Variants in ZMIZ1 observed in about 807,000 individuals in gnomAD.
ZMIZ1 encodes the protein zinc finger MIZ domain-containing protein 1.
In ZMIZ1, 17 loss-of-function variants were observed where a neutral mutation model predicts 113.9. That is an observed-to-expected ratio of 0.15 (90% confidence interval 0.10 to 0.22). The LOEUF is 0.22. Among genes scored for constraint, ZMIZ1 ranks in the 10% least tolerant of loss-of-function variants. The pLI, the probability that ZMIZ1 is intolerant of heterozygous loss-of-function variation, is 1.00. For synonymous variants in ZMIZ1, 607 were observed against 603.1 expected (o/e 1.01, Z -0.09); for missense variants, 1,059 against 1,477.8 (o/e 0.72, Z 4.65).
At chr10:79,161,056 A>C (rs1846096720) in intron 3 of ZMIZ1, among the ~76,000 whole-genome samples, 1 of 152,160 alleles carries the variant, frequency 6.6e-6, no homozygotes, top group African/African-American at 2.4e-5. Context: ...CTCTGTGGGC[A>C]GTAGGGGGCG....
chr10:79,287,728 G>A (rs964617330), intron 8 of ZMIZ1, among the ~76,000 whole-genome samples: 1 of 152,188 alleles, frequency 6.6e-6, no homozygotes, highest in African/African-American at 2.4e-5. Context: ...GTCATCACCT[G>A]CTCAGATTCT....
Position 79,257,677 on chromosome 10 carries a change from A to G in ZMIZ1, c.281-19504A>G, listed in dbSNP as rs116651686. On this transcript the variant is annotated intron_variant, in intron 7 of 24. Transcript: ENST00000334512. ...CCTGCCAGGCAGACCTGCCCTCCCC[A>G]GGCCCCATCCTGGAGCCTTTGCTCT... Among the ~76,000 whole-genome samples the G allele has an allele frequency of 2.0e-3, 304 of 152,348 alleles. 3 individuals carry two copies. The highest frequency in any genetic ancestry group is 6.9e-3 in the African/African-American group (287 of 41,582).
At chr10:79,298,800 A>G (rs538739369) in intron 15 of ZMIZ1, among the ~76,000 whole-genome samples, 3 of 152,310 alleles carry the variant, frequency 2.0e-5, no homozygotes, top group South Asian at 4.1e-4. Context: ...AGGAAAATCT[A>G]TACGCAGCCA....
intron 1 of ZMIZ1, among the ~76,000 whole-genome samples, chr10:79,085,585 C>T (rs1168115585): frequency 1.3e-5 from 2 of 152,276 alleles, no homozygotes; most frequent in South Asian, 2.1e-4. Flanking sequence ...AGAGGGTGCC[C>T]GCCTCCCATG....
chr10:79,107,516 G>A (rs1323713026), intron 1 of ZMIZ1, among the ~76,000 whole-genome samples: 5 of 152,224 alleles, frequency 3.3e-5, no homozygotes, highest in African/African-American at 7.2e-5. Context: ...TCACAGTCTG[G>A]TGAATGTGAG....
At chr10:79,158,362 G>A (rs1439892976) in intron 3 of ZMIZ1, among the ~76,000 whole-genome samples, 1 of 152,202 alleles carries the variant, frequency 6.6e-6, no homozygotes, top group Non-Finnish European at 1.5e-5. Flanking sequence ...CTTCTCTGGT[G>A]AGAGCCAATG....
At chr10:79,109,415 A>G (rs536661192) in intron 1 of ZMIZ1, among the ~76,000 whole-genome samples, 1 of 152,314 alleles carries the variant, frequency 6.6e-6, no homozygotes, top group South Asian at 2.1e-4. Flanking sequence ...CATTAGGCTC[A>G]TGGATAAGAC....
intron 4 of ZMIZ1, among the ~76,000 whole-genome samples, chr10:79,175,535 C>T (rs940947076): frequency 1.3e-5 from 2 of 149,788 alleles, no homozygotes; most frequent in African/African-American, 4.9e-5. Context: ...CTGGGCTCCA[C>T]CTTGGTGCTT....
In ZMIZ1 at chr10:79,315,616, G is replaced by A. The variant is rs994325385; in HGVS notation, c.*2867G>A. ...GCTTTATCCATGTATCATGTTCCGT[G>A]TAGCCATTTTATTTTTTAAGAAACT... On this transcript the variant is annotated 3_prime_UTR_variant, in exon 25 of 25. Coordinates refer to ENST00000334512, the MANE Select transcript of ZMIZ1 (RefSeq NM_020338.4). 6.5e-6 allele frequency: 1 copy of A among 152,748 alleles called. No individual in the cohort carries two copies. Among genetic ancestry groups the A allele is most frequent in the South Asian group, 2.1e-4 (1 of 4,826 alleles). 9.5% of individuals were successfully genotyped at this position (152,748 alleles called of 1,614,324 possible). A position where few individuals can be genotyped will look rare whatever the true frequency, so the allele number is the denominator to read the frequency against.
At chr10:79,132,126 A>G (rs2132376816) in intron 2 of ZMIZ1, among the ~76,000 whole-genome samples, 1 of 152,318 alleles carries the variant, frequency 6.6e-6, no homozygotes, top group East Asian at 1.9e-4. Context: ...TTTGACTTTC[A>G]GATCACTGCC....
At chr10:79,166,796 G>A (rs989333062) in intron 4 of ZMIZ1, among the ~76,000 whole-genome samples, 3 of 152,246 alleles carry the variant, frequency 2.0e-5, no homozygotes, top group African/African-American at 4.8e-5. Flanking sequence ...TCAGTGGCCT[G>A]TGAGGGGCAG....
intron 7 of ZMIZ1, among the ~76,000 whole-genome samples, chr10:79,264,049 G>A (rs74687283): frequency 0.085 from 13,002 of 152,282 alleles, 604 homozygotes; most frequent in Middle Eastern, 0.15. Context: ...GTTTAGCCCC[G>A]AGGAAAAATT....
chr10:79,237,618 G>C (rs1240066799), intron 7 of ZMIZ1, among the ~76,000 whole-genome samples: 1 of 152,194 alleles, frequency 6.6e-6, no homozygotes. Flanking sequence ...GCATGTCTCT[G>C]TGTCTAAACT....
chr10:79,180,621 G>A (rs1366387009), intron 4 of ZMIZ1, among the ~76,000 whole-genome samples: 2 of 152,192 alleles, frequency 1.3e-5, no homozygotes, highest in African/African-American at 4.8e-5. Flanking sequence ...GTGGGAGCCT[G>A]AGCTGCCCCT....
chr10:79,248,356 G>T (rs546563727), intron 7 of ZMIZ1, among the ~76,000 whole-genome samples: 1 of 152,206 alleles, frequency 6.6e-6, no homozygotes, highest in Non-Finnish European at 1.5e-5. Flanking sequence ...AAAGGAGGAT[G>T]TCCCTCCAGA....
At chr10:79,297,489 C>A (rs1853976842) in intron 13 of ZMIZ1, 124 bp from the exon 14 acceptor site, 1 of 797,212 alleles carries the variant, frequency 1.3e-6, no homozygotes, top group Non-Finnish European at 2.2e-6. Context: ...ACTCAATATA[C>A]CCAGCAGTGG....
chr10:79,099,527 C>G (rs1357492252), intron 1 of ZMIZ1, among the ~76,000 whole-genome samples: 1 of 152,216 alleles, frequency 6.6e-6, no homozygotes, highest in Non-Finnish European at 1.5e-5. Flanking sequence ...ACAGAGGGGC[C>G]TGTGCTGCAC....
chr10:79,292,651 T>C (rs1853572965), intron 11 of ZMIZ1: 3 of 500,704 alleles, frequency 6.0e-6, no homozygotes, highest in Non-Finnish European at 1.1e-5. Flanking sequence ...AGGTTCTACA[T>C]GGCTCTCTGG....
chr10:79,280,391 C>T (rs930832508), intron 8 of ZMIZ1, among the ~76,000 whole-genome samples: 2 of 152,158 alleles, frequency 1.3e-5, no homozygotes, highest in African/African-American at 4.8e-5. Context: ...TCTCCCACCT[C>T]AGTATCCTGA....
Sources: allele counts gnomAD v4.1 joint callset (sites outside exome capture counted in the v4.1 genomes callset), GRCh38; gene constraint gnomAD v4.1.1; transcripts MANE v1.5; gene names NCBI Gene and HGNC (gene_info 2026-07-23, HGNC 2026-07-21).